RBM19: variants seen among roughly 807,000 people sequenced by gnomAD.
RBM19 encodes the protein probable RNA-binding protein 19.
A neutral mutation model predicts 116.8 loss-of-function variants in RBM19; 94 were observed. That is an observed-to-expected ratio of 0.80 (90% CI 0.68 to 0.95). The LOEUF is 0.95. Among genes scored for constraint, RBM19 ranks in the 40% least tolerant of loss-of-function variants. The pLI is 0.00. For synonymous variants in RBM19, 475 were observed against 494.1 expected, an observed-to-expected ratio of 0.96 and a Z score of 0.51; for missense variants, 1,161 against 1,220.7, an observed-to-expected ratio of 0.95 and a Z score of 0.73.
intron 23 of RBM19, among the ~76,000 whole-genome samples, chr12:113,835,589 C>T (rs975468910): frequency 1.3e-5 from 2 of 152,220 alleles, no homozygotes; most frequent in Admixed American, 1.3e-4. Flanking sequence ...CAGGCTCCTT[C>T]CCTGCTCCTC....
intron 21 of RBM19, among the ~76,000 whole-genome samples, chr12:113,867,169 T>C (rs1164215949): frequency 1.3e-5 from 2 of 152,196 alleles, no homozygotes; most frequent in African/African-American, 4.8e-5. Context: ...CTAAGCTCCT[T>C]GGGGACAGAG....
chr12:113,847,255 C>T (rs749583193), intron 22 of RBM19, among the ~76,000 whole-genome samples: 3 of 152,180 alleles, frequency 2.0e-5, no homozygotes, highest in Non-Finnish European at 4.4e-5. Flanking sequence ...CTTTTTAAAA[C>T]TAGACATGCA....
chr12:113,926,757 T>C (rs1193665508), intron 17 of RBM19, among the ~76,000 whole-genome samples: 2 of 152,156 alleles, frequency 1.3e-5, no homozygotes, highest in Admixed American at 6.5e-5. Flanking sequence ...ATTTACATCA[T>C]AGAAACAACT....
chr12:113,940,941 T>A (rs2135907670), intron 14 of RBM19, among the ~76,000 whole-genome samples: 1 of 152,328 alleles, frequency 6.6e-6, no homozygotes, highest in Non-Finnish European at 1.5e-5. Context: ...TTAAATGGGT[T>A]AGTAAAAGTA....
intron 21 of RBM19, among the ~76,000 whole-genome samples, chr12:113,899,174 A>G (rs1326537754): frequency 1.3e-5 from 2 of 152,236 alleles, no homozygotes; most frequent in East Asian, 1.9e-4. Flanking sequence ...GTCGTTGGGA[A>G]TTCCCTTACT....
intron 1 of RBM19, 48 bp downstream of exon 1, chr12:113,966,144 T>C: frequency 6.2e-7 from 1 of 1,613,294 alleles, no homozygotes; most frequent in Non-Finnish European, 8.5e-7. Context: ...ACCTCACAGC[T>C]CCCGGCTGGT....
At chr12:113,836,095 C>T (rs1875859563) in intron 23 of RBM19, among the ~76,000 whole-genome samples, 1 of 152,238 alleles carries the variant, frequency 6.6e-6, no homozygotes. Flanking sequence ...GGACTTTCCT[C>T]TTTCTTCCCT....
chr12:113,817,981 C>G (rs1201761367), downstream of RBM19: 2 of 152,124 alleles, frequency 1.3e-5, no homozygotes, highest in Non-Finnish European at 2.9e-5. Flanking sequence ...GTAATCCCCA[C>G]ACTTTGGGAG....
chr12:113,915,155 C>T, intron 20 of RBM19, 70 bp from the exon 21 acceptor site: 4 of 1,206,692 alleles, frequency 3.3e-6, no homozygotes, highest in South Asian at 1.2e-5. Flanking sequence ...ATTGACTCCA[C>T]TACGCCTCCA....
At chr12:113,966,149 G>A (rs1456023130) in intron 1 of RBM19, 43 bp downstream of exon 1, 2 of 1,613,238 alleles carry the variant, frequency 1.2e-6, no homozygotes, top group Non-Finnish European at 1.7e-6. Context: ...ACAGCTCCCG[G>A]CTGGTCTCAT....
chr12:113,909,045 A>G (rs893420738), intron 21 of RBM19, among the ~76,000 whole-genome samples: 7 of 152,234 alleles, frequency 4.6e-5, no homozygotes, highest in Non-Finnish European at 8.8e-5. Context: ...GCAGGACCGC[A>G]GGACAGGCTG....
chr12:113,936,725 GGTT>G, intron 16 of RBM19: 1 of 275,468 alleles, frequency 3.6e-6, no homozygotes, highest in African/African-American at 2.2e-5. Flanking sequence ...GAAACAGGAA[GGTT>G]GTTTATACTT....
intron 21 of RBM19, among the ~76,000 whole-genome samples, chr12:113,891,861 T>C (rs771142253): frequency 1.3e-5 from 2 of 152,212 alleles, no homozygotes; most frequent in Non-Finnish European, 2.9e-5. Flanking sequence ...ACTGCCTGGA[T>C]TCAAACCTCT....
chr12:113,871,769 T>C (rs886352055), intron 21 of RBM19, among the ~76,000 whole-genome samples: 1 of 152,166 alleles, frequency 6.6e-6, no homozygotes, highest in African/African-American at 2.4e-5. Context: ...GGGCTCAGGA[T>C]TCCTTGCACT....
In RBM19 at chr12:113,823,132, C is replaced by G; in HGVS notation, c.*92G>C. On this transcript the variant is annotated 3_prime_UTR_variant, in exon 24 of 24. Transcript: ENST00000261741. ...TGGGGCCGCCTGCCGCTCCCCGCCC[C>G]GCCCCCCAGCCCACATGGTGGTGAG... is the stretch of plus-strand genomic sequence containing the variant. 1 of 1,245,438 alleles carries G rather than the reference C, an allele frequency of 8.0e-7. No homozygotes were observed. Among genetic ancestry groups the G allele is most frequent in the South Asian group, 1.3e-5 (1 of 75,736 alleles). The allele number at this position is 1,245,438 out of a possible 1,614,324, so 77.1% of individuals were successfully genotyped here.
At chr12:113,935,052 A>C (rs1348676624) in intron 16 of RBM19, among the ~76,000 whole-genome samples, 1 of 152,186 alleles carries the variant, frequency 6.6e-6, no homozygotes, top group Non-Finnish European at 1.5e-5. Context: ...AAACAAATAC[A>C]AGTAACAAAT....
intron 21 of RBM19, among the ~76,000 whole-genome samples, chr12:113,879,431 T>TTTTATATATATATATATA (rs1555234780): frequency 2.3e-5 from 3 of 132,630 alleles, no homozygotes; most frequent in Admixed American, 1.7e-4. Context: ...TACATACATT[T>TTTTATATATATATATATA]TATATATATA....
intron 6 of RBM19, among the ~76,000 whole-genome samples, chr12:113,956,576 CAAAAAAAA>C (rs10592306): frequency 1.5e-5 from 1 of 66,234 alleles, no homozygotes; most frequent in African/African-American, 6.6e-5. Flanking sequence ...AAGACTGTCT[CAAAAAAAA>C]AAAAAAAAAA....
intron 21 of RBM19, among the ~76,000 whole-genome samples, chr12:113,874,618 T>TG (rs1176327813): frequency 6.6e-6 from 1 of 152,226 alleles, no homozygotes; most frequent in Non-Finnish European, 1.5e-5. Flanking sequence ...GCCCTTGAAC[T>TG]CAGTCCTTAT....
Sources: gnomAD v4.1 joint callset for allele counts (sites outside exome capture counted in the v4.1 genomes callset) on GRCh38, gnomAD v4.1.1 for gene constraint, MANE v1.5 for transcripts, NCBI Gene and HGNC (gene_info 2026-07-23, HGNC 2026-07-21) for gene names.